PTPRQ: variants seen among roughly 807,000 people sequenced by gnomAD.
PTPRQ encodes phosphatidylinositol phosphatase PTPRQ.
Under a neutral mutation model 246.0 loss-of-function variants are expected in PTPRQ, and 199 were observed. The ratio of observed to expected loss-of-function variants is 0.81; its 90% confidence interval spans 0.72 to 0.91. PTPRQ has a LOEUF of 0.91. PTPRQ is among the 40% of genes least tolerant of loss of function. The pLI is 0.00. For missense variants in PTPRQ, 2,624 were observed against 2,528.4 expected (o/e 1.04, Z -0.81); for synonymous variants, 869 against 853.2 (o/e 1.02, Z -0.32).
intron 17 of PTPRQ, among the ~76,000 whole-genome samples, chr12:80,514,672 A>G (rs1387384080): frequency 7.0e-6 from 1 of 143,790 alleles, no homozygotes; most frequent in Non-Finnish European, 1.5e-5. Context: ...ATATTTGTAT[A>G]ATATATATTT....
chr12:80,558,260 C>T (rs1234140399), intron 25 of PTPRQ, among the ~76,000 whole-genome samples: 3 of 151,532 alleles, frequency 2.0e-5, no homozygotes, highest in South Asian at 2.1e-4. Flanking sequence ...CTCTGCCTCC[C>T]GGGTTCAAGT....
At chr12:80,629,154 A>G (rs1320454928) in intron 33 of PTPRQ, among the ~76,000 whole-genome samples, 1 of 101,264 alleles carries the variant, frequency 9.9e-6, no homozygotes, top group South Asian at 2.6e-4. Flanking sequence ...AGTGAGTGGC[A>G]CACACACACA....
intron 37 of PTPRQ, among the ~76,000 whole-genome samples, chr12:80,650,938 A>T (rs1340348021): frequency 6.6e-6 from 1 of 152,076 alleles, no homozygotes; most frequent in African/African-American, 2.4e-5. Flanking sequence ...TTCTAAAGCA[A>T]ATTATTAAAT....
At chr12:80,552,679 A>G (rs1269947145) in intron 25 of PTPRQ, among the ~76,000 whole-genome samples, 3 of 120,920 alleles carry the variant, frequency 2.5e-5, no homozygotes, top group East Asian at 4.4e-4. Context: ...ATATATATAT[A>G]TATATATATA....
intron 6 of PTPRQ, among the ~76,000 whole-genome samples, chr12:80,468,375 A>G (rs1448954705): frequency 6.6e-6 from 1 of 152,164 alleles, no homozygotes; most frequent in Admixed American, 6.6e-5. Flanking sequence ...TGTTGAATGC[A>G]GTATATATAT....
intron 3 of PTPRQ, chr12:80,454,516 T>C (rs1892904967): frequency 1.4e-6 from 1 of 702,454 alleles, no homozygotes; most frequent in Non-Finnish European, 2.6e-6. Context: ...TCAATAGGAT[T>C]GGTGAGAGTA....
intron 25 of PTPRQ, among the ~76,000 whole-genome samples, chr12:80,582,888 A>G (rs973899367): frequency 6.6e-6 from 1 of 152,156 alleles, no homozygotes; most frequent in African/African-American, 2.4e-5. Flanking sequence ...AACAAAACAA[A>G]AAAAACTTTT....
chr12:80,639,427 ATAT>A (rs1000430477), intron 35 of PTPRQ, among the ~76,000 whole-genome samples: 3 of 152,168 alleles, frequency 2.0e-5, no homozygotes, highest in African/African-American at 7.2e-5. Context: ...GCACCACTTC[ATAT>A]TAATTACCCT....
intron 26 of PTPRQ, 100 bp downstream of exon 26, chr12:80,588,552 G>A: frequency 3.3e-6 from 4 of 1,229,644 alleles, no homozygotes; most frequent in Non-Finnish European, 3.1e-6. Flanking sequence ...TAAAATCACT[G>A]AACATAGAAA....
intron 31 of PTPRQ, among the ~76,000 whole-genome samples, chr12:80,619,947 A>G (rs1466726032): frequency 6.6e-6 from 1 of 151,526 alleles, no homozygotes; most frequent in Non-Finnish European, 1.5e-5. Context: ...TACCTGATAA[A>G]TCATCCTTTA....
chr12:80,600,490 C>G (rs1898106075), intron 26 of PTPRQ, among the ~76,000 whole-genome samples: 1 of 151,704 alleles, frequency 6.6e-6, no homozygotes, highest in Non-Finnish European at 1.5e-5. Flanking sequence ...AGCAGAGATA[C>G]AGAAATTTTT....
At chr12:80,550,408 A>C (rs770218177) in intron 25 of PTPRQ, among the ~76,000 whole-genome samples, 4 of 152,134 alleles carry the variant, frequency 2.6e-5, no homozygotes, top group Non-Finnish European at 5.9e-5. Context: ...TTATCTTGGA[A>C]ACGTCTTTCA....
At chr12:80,662,408 T>C (rs2121262441) in intron 39 of PTPRQ, among the ~76,000 whole-genome samples, 1 of 152,072 alleles carries the variant, frequency 6.6e-6, no homozygotes, top group South Asian at 2.1e-4. Flanking sequence ...AAAGGAGGAT[T>C]ATATTTAGAT....
At chr12:80,482,131 A>C (rs1282502797) in intron 8 of PTPRQ, among the ~76,000 whole-genome samples, 3 of 151,984 alleles carry the variant, frequency 2.0e-5, no homozygotes, top group African/African-American at 7.3e-5. Flanking sequence ...ACTATACTAC[A>C]AGGCTACAGT....
At chr12:80,465,681 G>C (rs1056877600) in intron 6 of PTPRQ, 1 of 152,086 alleles carries the variant, frequency 6.6e-6, no homozygotes. Context: ...TTCATCCCTG[G>C]GATGCAAGGC....
chr12:80,573,109 G>T (rs907454588), intron 25 of PTPRQ, among the ~76,000 whole-genome samples: 1 of 152,070 alleles, frequency 6.6e-6, no homozygotes, highest in African/African-American at 2.4e-5. Context: ...GAAACCATCT[G>T]AACCTGGAGT....
chr12:80,582,592 G>GCTGGTTCTCACCAGAAAC (rs1897478523), intron 25 of PTPRQ, among the ~76,000 whole-genome samples: 1 of 152,164 alleles, frequency 6.6e-6, no homozygotes, highest in Non-Finnish European at 1.5e-5. Context: ...GAACCAGGAG[G>GCTGGTTCTCACCAGAAAC]CTGGTTCTCA....
intron 8 of PTPRQ, among the ~76,000 whole-genome samples, chr12:80,483,995 G>GTTTT (rs386377127): frequency 7.0e-6 from 1 of 143,742 alleles, no homozygotes; most frequent in African/African-American, 2.9e-5. Context: ...TTTTTTGTTT[G>GTTTT]TTTGTTTGTT....
At chr12:80,467,146 C>G (rs1293748132) in intron 6 of PTPRQ, among the ~76,000 whole-genome samples, 3 of 151,088 alleles carry the variant, frequency 2.0e-5, no homozygotes, top group African/African-American at 2.4e-5. Flanking sequence ...ACAATGAACT[C>G]AAACAAATTT....
Sources: gnomAD v4.1 joint callset for allele counts (sites outside exome capture counted in the v4.1 genomes callset) on GRCh38, gnomAD v4.1.1 for gene constraint, MANE v1.5 for transcripts, NCBI Gene and HGNC (gene_info 2026-07-23, HGNC 2026-07-21) for gene names.